Variants in INPP4B observed in about 807,000 individuals in gnomAD.
INPP4B encodes inositol polyphosphate 4-phosphatase type II.
INPP4B carries 55 observed loss-of-function variants against 122.5 expected under a neutral mutation model. The observed-to-expected ratio is 0.45, with a 90% CI of 0.36 to 0.56. The LOEUF (loss-of-function observed/expected upper bound fraction) is 0.56, where lower values mean the gene tolerates loss of function less well. Among genes scored for constraint, INPP4B ranks in the 20% least tolerant of loss-of-function variants. The pLI is 0.00. For synonymous variants in INPP4B, 403 were observed against 388.7 expected, an observed-to-expected ratio of 1.04 and a Z score of -0.43; for missense variants, 1,000 against 1,097.7, an observed-to-expected ratio of 0.91 and a Z score of 1.26.
intron 7 of INPP4B, among the ~76,000 whole-genome samples, chr4:142,394,835 T>G (rs1278039062): frequency 1.3e-5 from 2 of 152,222 alleles, no homozygotes; most frequent in African/African-American, 2.4e-5. Context: ...TTTATTTTTG[T>G]TTTTGTTGCC....
chr4:142,738,904 C>A (rs1243039604), intron 1 of INPP4B, among the ~76,000 whole-genome samples: 1 of 152,054 alleles, frequency 6.6e-6, no homozygotes, highest in East Asian at 1.9e-4. Context: ...TGTGGAAATT[C>A]TTCTCAGGTT....
At chr4:142,152,732 G>A (rs959544025) in intron 17 of INPP4B, among the ~76,000 whole-genome samples, 1 of 152,070 alleles carries the variant, frequency 6.6e-6, no homozygotes, top group African/African-American at 2.4e-5. Flanking sequence ...TAGCAGGGAC[G>A]ACAAGGTGTC....
intron 12 of INPP4B, among the ~76,000 whole-genome samples, chr4:142,233,182 A>C (rs1855171791): frequency 6.6e-6 from 1 of 150,834 alleles, no homozygotes; most frequent in African/African-American, 2.5e-5. Flanking sequence ...TCAGGTATGC[A>C]TGTGTGTGTG....
chr4:142,111,230 C>T (rs999655309), intron 22 of INPP4B, among the ~76,000 whole-genome samples: 8 of 152,022 alleles, frequency 5.3e-5, no homozygotes, highest in African/African-American at 1.9e-4. Context: ...TATTATAATA[C>T]CAAAGACTAT....
intron 2 of INPP4B, among the ~76,000 whole-genome samples, chr4:142,673,176 C>T (rs182361588): frequency 6.6e-5 from 10 of 152,162 alleles, no homozygotes; most frequent in Admixed American, 1.3e-4. Flanking sequence ...AATTTTCTAA[C>T]GTTGTTCATT....
intron 7 of INPP4B, among the ~76,000 whole-genome samples, chr4:142,353,562 TTTTC>T (rs1314320077): frequency 6.6e-6 from 1 of 152,044 alleles, no homozygotes; most frequent in African/African-American, 2.4e-5. Context: ...GCAAACTACT[TTTTC>T]TTTCTCTCTC....
At chr4:142,642,893 T>G (rs760135965) in intron 2 of INPP4B, among the ~76,000 whole-genome samples, 3 of 152,170 alleles carry the variant, frequency 2.0e-5, no homozygotes, top group Non-Finnish European at 1.5e-5. Context: ...ATTCTTTCTA[T>G]CCATGAGCAT....
At chr4:142,090,359 A>C (rs990334102) in intron 23 of INPP4B, among the ~76,000 whole-genome samples, 1 of 150,672 alleles carries the variant, frequency 6.6e-6, no homozygotes, top group African/African-American at 2.4e-5. Flanking sequence ...CTTTATTCAG[A>C]GCACACCTCT....
chr4:142,095,626 C>A (rs1002393287), intron 23 of INPP4B, among the ~76,000 whole-genome samples: 2 of 151,874 alleles, frequency 1.3e-5, no homozygotes, highest in South Asian at 4.1e-4. Flanking sequence ...TAGGAGCATT[C>A]CAGAAAGAAA....
chr4:142,180,850 C>A (rs779849241), intron 15 of INPP4B, among the ~76,000 whole-genome samples: 2 of 151,954 alleles, frequency 1.3e-5, no homozygotes, highest in African/African-American at 2.4e-5. Context: ...ACGTTCTCAC[C>A]TAATTAAAAC....
At chr4:142,303,597 C>T (rs779256284) in intron 9 of INPP4B, among the ~76,000 whole-genome samples, 4 of 151,926 alleles carry the variant, frequency 2.6e-5, no homozygotes, top group African/African-American at 4.8e-5. Flanking sequence ...CAAGAGGCTA[C>T]GATAAATCTA....
intron 3 of INPP4B, among the ~76,000 whole-genome samples, chr4:142,444,484 G>C (rs1812479350): frequency 6.6e-6 from 1 of 151,962 alleles, no homozygotes; most frequent in East Asian, 1.9e-4. Context: ...CTAGAATGTT[G>C]ATCATTAAAA....
chr4:142,323,718 T>C (rs1435422902), intron 7 of INPP4B, among the ~76,000 whole-genome samples: 2 of 151,900 alleles, frequency 1.3e-5, no homozygotes, highest in African/African-American at 4.8e-5. Context: ...GTGCAGGGAT[T>C]ACAGGCGTGA....
At chr4:142,716,217 T>C (rs1763741921) in intron 2 of INPP4B, among the ~76,000 whole-genome samples, 1 of 152,228 alleles carries the variant, frequency 6.6e-6, no homozygotes, top group South Asian at 2.1e-4. Flanking sequence ...GAGACATTGC[T>C]GTGGCCATTT....
At chr4:142,561,890 C>A (rs1730553147) in intron 2 of INPP4B, among the ~76,000 whole-genome samples, 1 of 152,098 alleles carries the variant, frequency 6.6e-6, no homozygotes, top group African/African-American at 2.4e-5. Context: ...CTGTCTAAAG[C>A]CTGAAAAATA....
chr4:142,133,507 G>T lies in INPP4B; in HGVS notation c.1721-8747C>A, dbSNP rs1039298194. ...CTATATCTGGTTTTACCCTCTTCAT[G>T]TATAGTCTAATCTCAACACAACAGC... On this transcript the variant is annotated intron_variant, in intron 18 of 25. Transcript: ENST00000262992. Among the ~76,000 whole-genome samples, 2 of 152,176 alleles carry T rather than the reference G, an allele frequency of 1.3e-5. 1 individual carries two copies. The highest frequency in any genetic ancestry group is 4.2e-4 in the South Asian group (2 of 4,808).
intron 5 of INPP4B, among the ~76,000 whole-genome samples, chr4:142,406,019 T>C (rs1388346148): frequency 6.6e-6 from 1 of 152,172 alleles, no homozygotes; most frequent in African/African-American, 2.4e-5. Flanking sequence ...ATACCATATT[T>C]ACTTGAATAT....
At chr4:142,246,414 C>A (rs1728850511) in intron 11 of INPP4B, among the ~76,000 whole-genome samples, 1 of 152,090 alleles carries the variant, frequency 6.6e-6, no homozygotes, top group Admixed American at 6.6e-5. Flanking sequence ...GATATTAATT[C>A]TTCCTATCCA....
intron 18 of INPP4B, 102 bp from the exon 19 acceptor site, chr4:142,124,862 G>T: frequency 1.2e-6 from 1 of 866,092 alleles, no homozygotes; most frequent in Non-Finnish European, 1.7e-6. Context: ...CAGTAAGTTA[G>T]ACATATTCTT....
Sources: allele counts gnomAD v4.1 joint callset (sites outside exome capture counted in the v4.1 genomes callset), GRCh38; gene constraint gnomAD v4.1.1; transcripts MANE v1.5; gene names NCBI Gene and HGNC (gene_info 2026-07-23, HGNC 2026-07-21).